ADGRL3: variants seen among roughly 807,000 people sequenced by gnomAD.
The protein encoded by ADGRL3 is calcium-independent alpha-latrotoxin receptor 3.
A neutral mutation model predicts 153.5 loss-of-function variants in ADGRL3; 62 were observed. That is an observed-to-expected ratio of 0.40 (90% CI 0.33 to 0.50). The LOEUF is 0.50. ADGRL3 is among the 20% of genes least tolerant of loss of function. The probability of loss-of-function intolerance (pLI) is 0.47; values close to 1 mark genes in which losing one functional copy is unlikely to be tolerated. For missense variants in ADGRL3, 1,641 were observed against 1,859.4 expected (o/e 0.88, Z 2.16); for synonymous variants, 710 against 672.5 (o/e 1.06, Z -0.86).
rs574794097 is a variant in ADGRL3, at chr4:61,621,065, T to G, written c.473+33625T>G. On this transcript the variant is annotated intron_variant, in intron 5 of 26. Transcript: ENST00000683033. ...TGTTGTTTTGTTTTGTTTTAAACAATAAAGTATTTTTAGGACTCTTTAGAG... is the reference window on the plus strand; with the variant it reads ...TGTTGTTTTGTTTTGTTTTAAACAAGAAAGTATTTTTAGGACTCTTTAGAG... Among the ~76,000 whole-genome samples the G allele has an allele frequency of 2.0e-5, 3 of 152,302 alleles. No homozygotes were observed. In the South Asian group the frequency reaches 6.2e-4, roughly 32 times the overall value.
intron 2 of ADGRL3, among the ~76,000 whole-genome samples, chr4:61,447,881 G>A (rs1197624044): frequency 6.6e-6 from 1 of 152,060 alleles, no homozygotes; most frequent in East Asian, 1.9e-4. Context: ...TTTCTAGATG[G>A]TCTACTTCTG....
intron 3 of ADGRL3, among the ~76,000 whole-genome samples, chr4:61,516,753 G>T (rs755346597): frequency 3.3e-5 from 5 of 151,920 alleles, no homozygotes; most frequent in African/African-American, 7.3e-5. Flanking sequence ...TCCAAAAATG[G>T]TAGTTAAATG....
At chr4:61,592,724 A>G (rs1009412660) in intron 5 of ADGRL3, among the ~76,000 whole-genome samples, 28 of 152,264 alleles carry the variant, frequency 1.8e-4, no homozygotes, top group Admixed American at 8.5e-4. Flanking sequence ...ATTTCTTGCT[A>G]TTAATTTAAT....
chr4:61,837,747 T>G (rs552852301), intron 9 of ADGRL3, among the ~76,000 whole-genome samples: 1 of 152,230 alleles, frequency 6.6e-6, no homozygotes, highest in East Asian at 1.9e-4. Context: ...ATGCCAACTG[T>G]GAAGTTCTTA....
chr4:61,241,630 C>T (rs573139537), intron 1 of ADGRL3, among the ~76,000 whole-genome samples: 30 of 151,946 alleles, frequency 2.0e-4, no homozygotes, highest in Non-Finnish European at 3.7e-4. Flanking sequence ...CTGTCTTCTA[C>T]GTATATCCCT....
intron 8 of ADGRL3, among the ~76,000 whole-genome samples, chr4:61,750,930 A>AGCGGTCTGTG (rs2096749726): frequency 6.6e-6 from 1 of 152,208 alleles, no homozygotes; most frequent in South Asian, 2.1e-4. Flanking sequence ...ATTCCTCCGT[A>AGCGGTCTGTG]GCGGTCTGTG....
intron 13 of ADGRL3, among the ~76,000 whole-genome samples, chr4:61,913,353 A>G (rs566038299): frequency 6.6e-6 from 1 of 152,310 alleles, no homozygotes; most frequent in East Asian, 1.9e-4. Context: ...TGGATTTTGT[A>G]TGACAGAGAA....
intron 11 of ADGRL3, among the ~76,000 whole-genome samples, chr4:61,898,421 AAGG>A (rs2098643983): frequency 6.6e-6 from 1 of 152,062 alleles, no homozygotes; most frequent in African/African-American, 2.4e-5. Flanking sequence ...AAAGAAGAGA[AAGG>A]AGAACAACTC....
intron 8 of ADGRL3, among the ~76,000 whole-genome samples, chr4:61,769,370 A>G (rs988819118): frequency 2.0e-5 from 3 of 151,968 alleles, no homozygotes; most frequent in African/African-American, 7.3e-5. Flanking sequence ...GAGGTTGGAG[A>G]AGAGAGTAAA....
At chr4:62,069,088 T>C (rs1301669331) in intron 26 of ADGRL3, among the ~76,000 whole-genome samples, 1 of 152,178 alleles carries the variant, frequency 6.6e-6, no homozygotes, top group Non-Finnish European at 1.5e-5. Flanking sequence ...TTTGAAGTGA[T>C]TTATGAAGCT....
At chr4:61,470,591 T>C (rs2097937759) in intron 2 of ADGRL3, among the ~76,000 whole-genome samples, 1 of 151,950 alleles carries the variant, frequency 6.6e-6, no homozygotes, top group Admixed American at 6.6e-5. Context: ...TATAAATATA[T>C]GCTGCAGGAA....
chr4:61,404,036 A>T (rs1405373593), intron 2 of ADGRL3, among the ~76,000 whole-genome samples: 1 of 151,992 alleles, frequency 6.6e-6, no homozygotes, highest in Admixed American at 6.6e-5. Flanking sequence ...AATATAAGAA[A>T]TTTTAGGGGA....
At chr4:61,731,097 C>T (rs2096433851) in intron 7 of ADGRL3, among the ~76,000 whole-genome samples, 1 of 151,884 alleles carries the variant, frequency 6.6e-6, no homozygotes, top group South Asian at 2.1e-4. Flanking sequence ...ATTTTGATAA[C>T]AATGGATACT....
rs1360873947 is a variant in ADGRL3 at position 61,653,102 on chromosome 4, G to A, written c.474-23724G>A. Among the ~76,000 whole-genome samples, 4 of 151,752 alleles carry A rather than the reference G, an allele frequency of 2.6e-5. 1 individual carries two copies. The East Asian group carries it at 7.8e-4, about 30-fold the overall frequency. ...GCAGGGTTCTAATACAATAGGATTA[G>A]TGGCCTTATAAGAAGAGAAAGAGAA... On this transcript the variant is annotated intron_variant, in intron 5 of 26. Coordinates refer to ENST00000683033, the MANE Select transcript of ADGRL3 (RefSeq NM_001387552.1).
At chr4:61,476,062 T>C (rs1000924523) in intron 2 of ADGRL3, among the ~76,000 whole-genome samples, 1 of 152,166 alleles carries the variant, frequency 6.6e-6, no homozygotes, top group Admixed American at 6.5e-5. Flanking sequence ...ATATTCATCA[T>C]TGTATTTAGG....
intron 9 of ADGRL3, among the ~76,000 whole-genome samples, chr4:61,826,498 C>A (rs796066151): frequency 7.9e-5 from 12 of 152,094 alleles, no homozygotes; most frequent in African/African-American, 2.9e-4. Flanking sequence ...AAGCTAATTT[C>A]TAGAATATAA....
intron 1 of ADGRL3, among the ~76,000 whole-genome samples, chr4:61,286,034 T>C (rs1004904610): frequency 2.0e-5 from 3 of 151,646 alleles, no homozygotes; most frequent in Non-Finnish European, 3.0e-5. Context: ...GTTGTTTCAC[T>C]ACAGAAAAGT....
intron 6 of ADGRL3, among the ~76,000 whole-genome samples, chr4:61,688,358 A>C (rs2095483119): frequency 6.6e-6 from 1 of 152,246 alleles, no homozygotes; most frequent in Non-Finnish European, 1.5e-5. Flanking sequence ...AGAAGTTACG[A>C]GTAAGAGCTT....
At chr4:61,645,305 TG>T (rs1008052525) in intron 5 of ADGRL3, among the ~76,000 whole-genome samples, 218 of 151,312 alleles carry the variant, frequency 1.4e-3, no homozygotes, top group African/African-American at 4.9e-3. Flanking sequence ...AATATTGTTA[TG>T]TGTGAATTTG....
Sources: gnomAD v4.1 joint callset for allele counts (sites outside exome capture counted in the v4.1 genomes callset) on GRCh38, gnomAD v4.1.1 for gene constraint, MANE v1.5 for transcripts, NCBI Gene and HGNC (gene_info 2026-07-23, HGNC 2026-07-21) for gene names.